The following TLE4 variants were observed in gnomAD, a reference collection of about 807,000 sequenced individuals.
TLE4 encodes the protein transducin-like enhancer protein 4.
A neutral mutation model predicts 92.8 loss-of-function variants in TLE4; 8 were observed. The ratio of observed to expected loss-of-function variants is 0.09; its 90% CI spans 0.05 to 0.16. The LOEUF is 0.16. Ranked by LOEUF, TLE4 falls within the 10% of genes least tolerant of loss-of-function variation. The pLI is 1.00. For synonymous variants in TLE4, 371 were observed against 374.1 expected, an observed-to-expected ratio of 0.99 and a Z score of 0.10; for missense variants, 675 against 997.6, an observed-to-expected ratio of 0.68 and a Z score of 4.36.
chr9:79,709,005 A>G (rs1042448722), intron 13 of TLE4, among the ~76,000 whole-genome samples: 7 of 151,934 alleles, frequency 4.6e-5, no homozygotes, highest in Non-Finnish European at 8.8e-5. Flanking sequence ...CTAATTTTTA[A>G]AATTTTCTGT....
intron 8 of TLE4, among the ~76,000 whole-genome samples, chr9:79,680,888 G>A (rs1225232633): frequency 1.3e-5 from 2 of 152,152 alleles, no homozygotes; most frequent in African/African-American, 4.8e-5. Context: ...AGATAATCAT[G>A]TGGTTTTTGT....
At chr9:79,592,822 T>C (rs1366966399) in intron 4 of TLE4, among the ~76,000 whole-genome samples, 1 of 152,206 alleles carries the variant, frequency 6.6e-6, no homozygotes, top group East Asian at 1.9e-4. Flanking sequence ...TCAGTGATTG[T>C]GTATCCTTTT....
At chr9:79,589,230 G>A (rs1375576567) in intron 4 of TLE4, among the ~76,000 whole-genome samples, 1 of 152,218 alleles carries the variant, frequency 6.6e-6, no homozygotes, top group Non-Finnish European at 1.5e-5. Context: ...ACCTCTTTGA[G>A]TAGAGAAAGG....
At chr9:79,629,694 T>C (rs115931253) in intron 6 of TLE4, among the ~76,000 whole-genome samples, 1,711 of 152,288 alleles carry the variant, frequency 0.011, 37 homozygotes, top group African/African-American at 0.039. Context: ...TATCTGACTA[T>C]TCTGGAAAAT....
intron 8 of TLE4, among the ~76,000 whole-genome samples, chr9:79,680,784 A>G (rs900539881): frequency 6.6e-6 from 1 of 152,124 alleles, no homozygotes; most frequent in African/African-American, 2.4e-5. Context: ...AGCTTTTATT[A>G]TTTTGAGATA....
At chr9:79,625,567 T>A (rs2052400244) in intron 5 of TLE4, among the ~76,000 whole-genome samples, 1 of 152,084 alleles carries the variant, frequency 6.6e-6, no homozygotes, top group Non-Finnish European at 1.5e-5. Flanking sequence ...TATCCTACTT[T>A]TTTTTTTGTT....
intron 8 of TLE4, 66 bp downstream of exon 8, chr9:79,654,141 A>G (rs2049447166): frequency 1.4e-6 from 2 of 1,470,812 alleles, no homozygotes; most frequent in East Asian, 2.3e-5. Flanking sequence ...GAATGAATCT[A>G]GTAAAGAATT....
At chr9:79,629,081 A>G (rs997091906) in intron 6 of TLE4, among the ~76,000 whole-genome samples, 2 of 152,144 alleles carry the variant, frequency 1.3e-5, no homozygotes, top group African/African-American at 4.8e-5. Context: ...GATCCCTGAT[A>G]GGAGAGGTTG....
At chr9:79,616,162 T>G (rs2049538971) in intron 5 of TLE4, among the ~76,000 whole-genome samples, 1 of 152,168 alleles carries the variant, frequency 6.6e-6, no homozygotes, top group Non-Finnish European at 1.5e-5. Context: ...AAATATCAAC[T>G]CTGAGTTGGC....
At chr9:79,706,613 A>G (rs866025718) in intron 10 of TLE4, 134 bp from the exon 11 acceptor site, 15 of 1,142,024 alleles carry the variant, frequency 1.3e-5, no homozygotes, top group Middle Eastern at 6.0e-4. Context: ...TTCAGTGAGT[A>G]TTGTTATCTG....
At chr9:79,598,075 GAAAAAAAAAAAA>G (rs748860967) in intron 4 of TLE4, among the ~76,000 whole-genome samples, 4 of 65,736 alleles carry the variant, frequency 6.1e-5, no homozygotes, top group African/African-American at 1.1e-4. Flanking sequence ...TACTGAAAAA[GAAAAAAAAAAAA>G]AAAAAAAAAA....
At position 79,670,697 on chromosome 9, in the gene TLE4, T is replaced by C. The variant is rs1195961158; in HGVS notation, c.609+16622T>C. On this transcript the variant is annotated intron_variant, in intron 8 of 19. Coordinates refer to ENST00000376552, the MANE Select transcript of TLE4 (RefSeq NM_007005.6). ...CATGCTATGAACTCTAGACAGCCAGTAGGCAGGAAACAGTGTAGCAATACC... is the reference window on the plus strand; with the variant it reads ...CATGCTATGAACTCTAGACAGCCAGCAGGCAGGAAACAGTGTAGCAATACC... Among the ~76,000 whole-genome samples, 5 of 152,162 alleles carry C rather than the reference T, an allele frequency of 3.3e-5. No individual in the cohort carries two copies. In the South Asian group the frequency reaches 8.3e-4, roughly 25 times the overall value.
chr9:79,663,458 C>T (rs1418225928), intron 8 of TLE4: 1 of 152,220 alleles, frequency 6.6e-6, no homozygotes, highest in African/African-American at 2.4e-5. Context: ...AGATACAGAA[C>T]CTTCCCACTG....
chr9:79,654,264 C>CT (rs1467130581), intron 8 of TLE4, among the ~76,000 whole-genome samples, 189 bp downstream of exon 8: 1 of 142,312 alleles, frequency 7.0e-6, no homozygotes, highest in Non-Finnish European at 1.5e-5. Context: ...TCCCATTTCT[C>CT]TATCAGAATC....
Position 79,721,775 on chromosome 9 carries a change from A to C in TLE4, c.1873A>C (p.Ile625Leu). The C allele has an allele frequency of 6.2e-7, 1 of 1,614,190 alleles. No individual in the cohort carries two copies. Among genetic ancestry groups the C allele is most frequent in the South Asian group, 1.1e-5 (1 of 91,082 alleles). Residue 625 changes from isoleucine to leucine, a missense_variant, in exon 17 of 20, where the codon ATT becomes CTT. Transcript: ENST00000376552. ...GGGCCACACAGATGGAGCCAGCTGT[A>C]TTGACATTTCTAATGATGGCACCAA... ...FQGHTDGASCIDISNDGTKLW... is the reference protein window; with the variant it reads ...FQGHTDGASCLDISNDGTKLW...
Position 79,578,831 on chromosome 9 carries a change from A to ATT in TLE4, c.252+2667_252+2668dup, listed in dbSNP as rs11419323. The stretch of plus-strand genomic sequence containing the variant: ...AGCATTAGTCTGGTAGAATTAGTGG[A>ATT]TTTTTTTTTTTTTTAAAGGGGAACT... On this transcript the variant is annotated intron_variant, in intron 4 of 19. Transcript: ENST00000376552. 6.3e-3 allele frequency among the ~76,000 whole-genome samples: 907 copies of ATT among 144,636 alleles called. 9 individuals are homozygous for ATT. Among genetic ancestry groups the ATT allele is most frequent in the African/African-American group, 0.019 (768 of 39,470 alleles). The allele number at this position is 144,636 out of a possible 152,430, so 94.9% of individuals were successfully genotyped here.
At chr9:79,713,782 C>T (rs1382631915) in intron 14 of TLE4, among the ~76,000 whole-genome samples, 6 of 152,150 alleles carry the variant, frequency 3.9e-5, no homozygotes, top group Non-Finnish European at 5.9e-5. Flanking sequence ...TCTAACTTGT[C>T]ATCCTTGCCC....
chr9:79,685,229 C>T (rs2065594715), intron 8 of TLE4, among the ~76,000 whole-genome samples: 1 of 152,138 alleles, frequency 6.6e-6, no homozygotes, highest in Non-Finnish European at 1.5e-5. Context: ...AGCATTGTTA[C>T]CCTCATTCCT....
rs1231833523 is a variant in TLE4, at chr9:79,726,882, A to G, written c.*1738A>G. The G allele has an allele frequency of 1.3e-5, 2 of 152,146 alleles. No homozygotes were observed. Among genetic ancestry groups the G allele is most frequent in the East Asian group, 3.8e-4 (2 of 5,196 alleles). The allele number at this position is 152,146 out of a possible 1,614,324, so 9.4% of individuals were successfully genotyped here. On this transcript the variant is annotated 3_prime_UTR_variant, in exon 20 of 20. Coordinates refer to ENST00000376552, the MANE Select transcript of TLE4 (RefSeq NM_007005.6). Reference sequence around the variant, plus strand: ...GTAAAGTGGTTTTTTTTGTTGTTAAAGTAATGTGGGTTTTTTTCACTGTTG... The same window carrying G: ...GTAAAGTGGTTTTTTTTGTTGTTAAGGTAATGTGGGTTTTTTTCACTGTTG...
Sources: gnomAD v4.1 joint callset for allele counts (sites outside exome capture counted in the v4.1 genomes callset) on GRCh38, gnomAD v4.1.1 for gene constraint, MANE v1.5 for transcripts, NCBI Gene and HGNC (gene_info 2026-07-23, HGNC 2026-07-21) for gene names.